Variants in MACROD1 observed in about 807,000 individuals in gnomAD.
MACROD1 encodes mono-ADP ribosylhydrolase 1, also known as ADP-ribose glycohydrolase MACROD1.
Under a neutral mutation model 41.4 loss-of-function variants are expected in MACROD1, and 31 were observed. The observed-to-expected ratio is 0.75, with a 90% CI of 0.56 to 1.01. MACROD1 has a LOEUF of 1.01. MACROD1 is among the 50% of genes least tolerant of loss of function. The pLI is 0.00. For missense variants in MACROD1, 473 were observed against 460.0 expected, an observed-to-expected ratio of 1.03 and a Z score of -0.26; for synonymous variants, 252 against 203.4, an observed-to-expected ratio of 1.24 and a Z score of -2.03.
intron 3 of MACROD1, among the ~76,000 whole-genome samples, chr11:64,080,685 TGAG>T (rs1480338996): frequency 6.6e-6 from 1 of 152,280 alleles, no homozygotes; most frequent in African/African-American, 2.4e-5. Flanking sequence ...CCTCAACTAC[TGAG>T]GACCTCTCAG....
chr11:64,141,594 T>A (rs1231609258), intron 3 of MACROD1, among the ~76,000 whole-genome samples: 2 of 152,224 alleles, frequency 1.3e-5, no homozygotes, highest in African/African-American at 4.8e-5. Flanking sequence ...GCCCTTTTCA[T>A]GCTTGGCCAA....
chr11:64,039,579 G>A (rs1314156667), intron 3 of MACROD1, among the ~76,000 whole-genome samples: 2 of 152,154 alleles, frequency 1.3e-5, no homozygotes, highest in African/African-American at 2.4e-5. Flanking sequence ...GGGAGGAGAC[G>A]GGAAAAGGAC....
At chr11:64,141,870 C>T (rs762343198) in intron 3 of MACROD1, among the ~76,000 whole-genome samples, 30 of 152,144 alleles carry the variant, frequency 2.0e-4, no homozygotes, top group Non-Finnish European at 3.8e-4. Context: ...GGAGAAAAGG[C>T]CCTTGGGTTT....
chr11:64,140,947 C>A (rs1945404236), intron 3 of MACROD1, among the ~76,000 whole-genome samples: 3 of 152,146 alleles, frequency 2.0e-5, no homozygotes, highest in Admixed American at 2.0e-4. Flanking sequence ...CCAGCCTGGG[C>A]AATATGGTGT....
intron 3 of MACROD1, among the ~76,000 whole-genome samples, chr11:64,097,503 G>A (rs1485489116): frequency 2.6e-5 from 4 of 152,244 alleles, no homozygotes. Flanking sequence ...CATCTTGAGG[G>A]TGGGCGCTGG....
chr11:64,108,758 A>C (rs1944808505), intron 3 of MACROD1, among the ~76,000 whole-genome samples: 1 of 152,232 alleles, frequency 6.6e-6, no homozygotes, highest in Non-Finnish European at 1.5e-5. Flanking sequence ...TAGGGGAGAC[A>C]CATGAATTAT....
chr11:64,149,152 G>T, intron 3 of MACROD1: 1 of 387,110 alleles, frequency 2.6e-6, no homozygotes, highest in Non-Finnish European at 3.5e-6. Flanking sequence ...GCACCGCTGG[G>T]ACAGGGGTGA....
chr11:64,077,327 CAG>C (rs1418129158), intron 3 of MACROD1, among the ~76,000 whole-genome samples: 1 of 152,218 alleles, frequency 6.6e-6, no homozygotes, highest in Non-Finnish European at 1.5e-5. Flanking sequence ...CACCATCTCT[CAG>C]GGGCTGTGCT....
In MACROD1 at chr11:63,998,739, G is replaced by A. The variant is rs914911559; in HGVS notation, c.*31-52C>T. ...TCTATGGGCGTCCCCGACCTCCCAG[G>A]CTGCCCCGTGGTTTCCCGCCCTGCT... is the stretch of plus-strand genomic sequence containing the variant. On this transcript the variant is annotated intron_variant, in intron 10 of 10. Transcript: ENST00000255681. The A allele has an allele frequency of 1.1e-5, 16 of 1,416,614 alleles. No homozygotes were observed. The African/African-American group carries it at 2.3e-4, about 21-fold the overall frequency. 87.8% of individuals were successfully genotyped at this position (1,416,614 alleles called of 1,614,324 possible). A position where few individuals can be genotyped will look rare whatever the true frequency, so the allele number is the denominator to read the frequency against.
At chr11:64,105,426 C>T (rs894234017) in intron 3 of MACROD1, among the ~76,000 whole-genome samples, 4 of 152,238 alleles carry the variant, frequency 2.6e-5, no homozygotes, top group African/African-American at 9.6e-5. Context: ...GGGTTGGGGC[C>T]TGGCCCTCTG....
chr11:64,009,172 G>A (rs1172891014), intron 4 of MACROD1: 1 of 152,092 alleles, frequency 6.6e-6, no homozygotes, highest in Non-Finnish European at 1.5e-5. Context: ...ACGGGCGTCA[G>A]GGCTCTGTCG....
At chr11:64,026,452 A>T (rs1049015748) in intron 3 of MACROD1, among the ~76,000 whole-genome samples, 1 of 152,160 alleles carries the variant, frequency 6.6e-6, no homozygotes, top group Non-Finnish European at 1.5e-5. Context: ...TAGCATCTTT[A>T]CACGCCCCAT....
intron 3 of MACROD1, among the ~76,000 whole-genome samples, chr11:64,020,102 G>T (rs531810485): frequency 1.2e-4 from 19 of 152,272 alleles, no homozygotes; most frequent in African/African-American, 4.3e-4. Context: ...TTAGGTCAAA[G>T]ACAATGTTAT....
chr11:64,151,418 G>A, intron 2 of MACROD1, 63 bp from the exon 3 acceptor site: 1 of 1,246,906 alleles, frequency 8.0e-7, no homozygotes, highest in Non-Finnish European at 1.2e-6. Flanking sequence ...GACCCAGCCA[G>A]GGCCCAGGGG....
chr11:64,074,737 G>A (rs1456111469), intron 3 of MACROD1, among the ~76,000 whole-genome samples: 2 of 152,184 alleles, frequency 1.3e-5, no homozygotes, highest in African/African-American at 4.8e-5. Flanking sequence ...TGCCCCAGAG[G>A]CCCAGGGGTG....
In MACROD1 at chr11:64,096,725, C is replaced by A. The variant is rs921664497; in HGVS notation, c.517+54514G>T. ...AGCCACCGCACCCTACCCTCTCCCC[C>A]TTTTGTGCCTAGAGTTGCTCTGTGA... On this transcript the variant is annotated intron_variant, in intron 3 of 10. Transcript: ENST00000255681. The surrounding 1 kb of genome is among the most constrained non-coding windows in gnomAD (Gnocchi z 4.6). Among the ~76,000 whole-genome samples, 2 of 152,216 alleles carry A rather than the reference C, an allele frequency of 1.3e-5. No homozygotes were observed. Among genetic ancestry groups the A allele is most frequent in the East Asian group, 3.8e-4 (2 of 5,204 alleles).
intron 3 of MACROD1, among the ~76,000 whole-genome samples, chr11:64,144,946 AAGC>A (rs1945472339): frequency 6.6e-6 from 1 of 152,198 alleles, no homozygotes; most frequent in Non-Finnish European, 1.5e-5. Context: ...CACTGACTCC[AAGC>A]AGTGCCCAGG....
At chr11:64,052,383 C>T (rs1481454749) in intron 3 of MACROD1, among the ~76,000 whole-genome samples, 1 of 152,226 alleles carries the variant, frequency 6.6e-6, no homozygotes, top group Non-Finnish European at 1.5e-5. Context: ...CACTAGGCTG[C>T]CCAGGCTGGA....
chr11:64,118,112 C>G (rs530699212), intron 3 of MACROD1: 1 of 1,611,370 alleles, frequency 6.2e-7, no homozygotes, highest in Non-Finnish European at 8.5e-7. Flanking sequence ...TGGAAATCCG[C>G]GGCCCTGGGC....
Sources: allele counts gnomAD v4.1 joint callset (sites outside exome capture counted in the v4.1 genomes callset), GRCh38; gene constraint gnomAD v4.1.1; non-coding constraint Gnocchi (gnomAD v3.1); transcripts MANE v1.5; gene names NCBI Gene and HGNC (gene_info 2026-07-23, HGNC 2026-07-21).